The following FAM83G variants were observed in gnomAD, a reference collection of about 807,000 sequenced individuals.
The protein encoded by FAM83G is protein FAM83G.
In FAM83G, 38 loss-of-function variants were observed where a neutral mutation model predicts 61.5. The ratio of observed to expected loss-of-function variants is 0.62; its 90% CI spans 0.48 to 0.81. The LOEUF (loss-of-function observed/expected upper bound fraction) is 0.81. Ranked by LOEUF, FAM83G falls within the 30% of genes least tolerant of loss-of-function variation. FAM83G has a pLI of 0.00. For synonymous variants in FAM83G, 470 were observed against 476.1 expected (o/e 0.99, Z 0.17); for missense variants, 989 against 1,133.6 (o/e 0.87, Z 1.83).
At chr17:18,992,624 C>T (rs779869233) in intron 2 of FAM83G, among the ~76,000 whole-genome samples, 5 of 152,226 alleles carry the variant, frequency 3.3e-5, no homozygotes, top group Admixed American at 6.5e-5. Flanking sequence ...AAGGGTGGAG[C>T]GGGCGGAGTC....
At chr17:19,002,599 A>G (rs1190627555) in intron 2 of FAM83G, among the ~76,000 whole-genome samples, 1 of 152,202 alleles carries the variant, frequency 6.6e-6, no homozygotes, top group Admixed American at 6.5e-5. Flanking sequence ...CCTTCTCAAC[A>G]CAGCTCACTA....
chr17:18,973,591 G>T (rs2042907600), intron 5 of FAM83G, among the ~76,000 whole-genome samples: 2 of 152,232 alleles, frequency 1.3e-5, no homozygotes, highest in Admixed American at 6.5e-5. Flanking sequence ...ACTTTTAGGG[G>T]CACCTAGAGG....
intron 3 of FAM83G, among the ~76,000 whole-genome samples, chr17:18,987,125 C>T (rs578045100): frequency 1.3e-4 from 20 of 152,326 alleles, no homozygotes; most frequent in Non-Finnish European, 2.5e-4. Flanking sequence ...GCGTGGAGCC[C>T]GGCCCCTTGT....
At chr17:18,983,300 C>A (rs773916878) in intron 3 of FAM83G, among the ~76,000 whole-genome samples, 1 of 152,242 alleles carries the variant, frequency 6.6e-6, no homozygotes, top group African/African-American at 2.4e-5. Flanking sequence ...GGCCATGGGG[C>A]GCTCGAGGCC....
chr17:18,977,494 A>G, intron 5 of FAM83G, 90 bp downstream of exon 5: 1 of 1,276,424 alleles, frequency 7.8e-7, no homozygotes. Context: ...AGAGTCAGGG[A>G]CATGGTAGCC....
rs1275235270 is a variant in FAM83G, at chr17:19,004,748, T to TGCGGCG, written c.-174_-169dup. On this transcript the variant is annotated 5_prime_UTR_variant, in exon 1 of 6. Transcript: ENST00000388995. This position sits in a 1 kb window ranked among gnomAD's most constrained non-coding sequence, Gnocchi z 5.4. The stretch of plus-strand genomic sequence containing the variant: ...CGGAGCGGGGCGCACACGCGGCGGC[T>TGCGGCG]GCGGCGGCGGCGCGAGGCTGGGCGG... 4 of 148,984 alleles carry TGCGGCG rather than the reference T, an allele frequency of 2.7e-5. No individual in the cohort carries two copies. The highest frequency in any genetic ancestry group is 9.9e-5 in the African/African-American group (4 of 40,588). 9.2% of individuals were successfully genotyped at this position (148,984 alleles called of 1,614,324 possible). A position where few individuals can be genotyped will look rare whatever the true frequency, so the allele number is the denominator to read the frequency against.
rs545967562 is a variant in FAM83G at position 18,979,741 on chromosome 17, G to A, written c.691-68C>T. ...TGACCACACAGGGCGAGGGGAGGAC[G>A]GCAGCTGCCCAGGGCTCAGAGGGGA... On this transcript the variant is annotated intron_variant, in intron 3 of 5. Transcript: ENST00000388995. The A allele has an allele frequency of 2.6e-5, 41 of 1,583,018 alleles. No individual in the cohort carries two copies. In the South Asian group the frequency reaches 3.3e-4, roughly 13 times the overall value.
chr17:18,973,481 G>A (rs1025022558), intron 5 of FAM83G, among the ~76,000 whole-genome samples: 1 of 152,196 alleles, frequency 6.6e-6, no homozygotes, highest in Non-Finnish European at 1.5e-5. Flanking sequence ...TACCCCTTGG[G>A]CTGGGTCTGC....
chr17:18,979,736 A>AGGAC, intron 3 of FAM83G, 63 bp from the exon 4 acceptor site: 7 of 1,592,958 alleles, frequency 4.4e-6, no homozygotes, highest in Non-Finnish European at 6.0e-6. Flanking sequence ...GGGCGAGGGG[A>AGGAC]GGACGGCAGC....
intron 4 of FAM83G, 62 bp from the exon 5 acceptor site, chr17:18,978,912 G>A (rs554617400): frequency 1.3e-4 from 199 of 1,573,702 alleles, no homozygotes; most frequent in African/African-American, 1.7e-4. Context: ...CCCAGCCCCC[G>A]TGCACCCATA....
rs1278814660 is a variant in FAM83G at position 18,978,416 on chromosome 17, G to C, written c.1250C>G (p.Pro417Arg). 1.3e-6 allele frequency: 2 copies of C among 1,593,464 alleles called. No homozygotes were observed. Among genetic ancestry groups the C allele is most frequent in the Non-Finnish European group, 1.7e-6 (2 of 1,169,952 alleles). ...GATGTCGCTGCCAGGCTCCGGGTCT[G>C]GCTCCACCCACGTGGGCAGGTACTC... ...MFEYLPTWVE[P>R]DPEPGSDILG... The change falls in exon 5 of 6, where the codon CCA (proline) becomes CGA (arginine). Residue 417 changes from proline (P) to arginine (R), a missense_variant. Physicochemically the swap from Pro to Arg is moderately radical, Grantham distance 103. Coordinates refer to ENST00000388995, the MANE Select transcript of FAM83G (RefSeq NM_001039999.3).
At position 18,971,608 on chromosome 17, in the gene FAM83G, G is replaced by A. The variant is rs1227212975; in HGVS notation, c.2223C>T (p.Pro741=). ...TRNAGPAMAG[P]HHWQAKGGQV... ...GACCTCCCTTGGCCTGCCAGTGGTG[G>A]GGGCCAGCCATGGCTGGGCCAGCGT... The change falls in exon 6 of 6, where the codon CCC becomes CCT. Residue 741 remains proline (P), a synonymous_variant. Transcript: ENST00000388995. The surrounding 1 kb of genome is among the most constrained non-coding windows in gnomAD (Gnocchi z 5.5). The A allele has an allele frequency of 6.2e-7, 1 of 1,613,570 alleles. No homozygotes were observed. The highest frequency in any genetic ancestry group is 1.7e-5 in the Admixed American group (1 of 60,022).
Position 18,977,608 on chromosome 17 carries a change from C to T in FAM83G, c.2058G>A (p.Gln686=). Residue 686 remains glutamine (Q), a synonymous_variant, in exon 5 of 6, where the codon CAG becomes CAA. Transcript: ENST00000388995. ...CCTGTGCCTCCTTGTCTGTGGAGCG[C>T]TGGGCCTGCATCCTCTTCAACGCAT... ...EADALKRMQA[Q]RSTDKEAQGQ... 2 of 1,609,294 alleles carry T rather than the reference C, an allele frequency of 1.2e-6. No individual in the cohort carries two copies. Among genetic ancestry groups the T allele is most frequent in the South Asian group, 2.2e-5 (2 of 91,064 alleles).
chr17:18,976,568 A>G, intron 5 of FAM83G: 1 of 396,394 alleles, frequency 2.5e-6, no homozygotes. Flanking sequence ...GACAATTGCC[A>G]GGGGTGGTGG....
intron 3 of FAM83G, among the ~76,000 whole-genome samples, chr17:18,987,912 A>G (rs976119399): frequency 2.0e-5 from 3 of 152,266 alleles, no homozygotes; most frequent in Non-Finnish European, 4.4e-5. Context: ...TGAGCACACT[A>G]TCACCAGAGG....
At chr17:18,973,184 C>T (rs959961554) in intron 5 of FAM83G, among the ~76,000 whole-genome samples, 6 of 152,244 alleles carry the variant, frequency 3.9e-5, no homozygotes, top group African/African-American at 1.2e-4. Context: ...AGCCCCTTTA[C>T]ACCCGCCACC....
intron 4 of FAM83G, chr17:18,979,169 T>C (rs2043065078): frequency 2.1e-6 from 1 of 485,222 alleles, no homozygotes. Flanking sequence ...GCTGCTGCCA[T>C]GCGTCTATGC....
At chr17:18,985,785 C>T (rs1221440323) in intron 3 of FAM83G, among the ~76,000 whole-genome samples, 1 of 152,200 alleles carries the variant, frequency 6.6e-6, no homozygotes, top group African/African-American at 2.4e-5. Context: ...AGCGAGGCGG[C>T]TGAGCAGGGC....
chr17:18,978,899 C>T (rs961440786), intron 4 of FAM83G, 49 bp from the exon 5 acceptor site: 203 of 1,592,010 alleles, frequency 1.3e-4, no homozygotes, highest in Admixed American at 2.0e-4. Context: ...CCTGCTTCCT[C>T]CGCCCAGCCC....
Sources: gnomAD v4.1 joint callset for allele counts (sites outside exome capture counted in the v4.1 genomes callset) on GRCh38, gnomAD v4.1.1 for gene constraint, Gnocchi (gnomAD v3.1) non-coding constraint, MANE v1.5 for transcripts, NCBI Gene and HGNC (gene_info 2026-07-23, HGNC 2026-07-21) for gene names.